COL9A2: variants seen among roughly 807,000 people sequenced by gnomAD.
The protein encoded by COL9A2 is collagen type IX alpha 2 chain, also known as collagen alpha-2(IX) chain.
COL9A2 carries 66 observed loss-of-function variants against 111.6 expected under a neutral mutation model. The ratio of observed to expected loss-of-function variants is 0.59; its 90% CI spans 0.48 to 0.73. The LOEUF is 0.73. Ranked by LOEUF, COL9A2 falls within the 30% of genes least tolerant of loss-of-function variation. The probability of loss-of-function intolerance (pLI) is 0.00; values close to 1 mark genes in which losing one functional copy is unlikely to be tolerated. For missense variants in COL9A2, 881 were observed against 954.1 expected, an observed-to-expected ratio of 0.92 and a Z score of 1.01; for synonymous variants, 353 against 364.1, an observed-to-expected ratio of 0.97 and a Z score of 0.35.
rs1429819835 is a variant in COL9A2 at position 40,314,170 on chromosome 1, C to T, written c.249+35G>A. 4 of 1,608,478 alleles carry T rather than the reference C, an allele frequency of 2.5e-6. No individual in the cohort carries two copies. The highest frequency in any genetic ancestry group is 4.5e-5 in the East Asian group (2 of 44,864). On this transcript the variant is annotated intron_variant, in intron 4 of 31. Transcript: ENST00000372748. The surrounding 1 kb of genome is among the most constrained non-coding windows in gnomAD (Gnocchi z 4.1). ...AGGCCCTGGAGGTCAATTGGCAGAG[C>T]CCTACCCTGCCCCACCCGACACTCA...
rs541937347 is a variant in COL9A2 at position 40,311,822 on chromosome 1, T to G, written c.418-107A>C. 5.9e-4 allele frequency: 735 copies of G among 1,240,468 alleles called. 9 individuals carry two copies. In the South Asian group the frequency reaches 8.4e-3, roughly 14 times the overall value. 76.8% of individuals were successfully genotyped at this position (1,240,468 alleles called of 1,614,324 possible). ...TGCCCTCTCCACCCTGTCTTCCCGG[T>G]CACTTTGTGAGATCCACCATCTTGG... is the stretch of plus-strand genomic sequence containing the variant. On this transcript the variant is annotated intron_variant, in intron 8 of 31. Coordinates refer to ENST00000372748, the MANE Select transcript of COL9A2 (RefSeq NM_001852.4). The surrounding 1 kb of genome is among the most constrained non-coding windows in gnomAD (Gnocchi z 5.1).
intron 25 of COL9A2, 40 bp from the exon 26 acceptor site, chr1:40,304,012 G>C (rs749271669): frequency 1.3e-6 from 2 of 1,570,756 alleles, no homozygotes; most frequent in African/African-American, 2.7e-5. Flanking sequence ...GGTGGCGGCG[G>C]GGACGCAGAG....
intron 16 of COL9A2, among the ~76,000 whole-genome samples, chr1:40,309,600 G>A (rs1391112619): frequency 6.6e-6 from 1 of 151,662 alleles, no homozygotes; most frequent in Non-Finnish European, 1.5e-5. Flanking sequence ...TGGCACAGAT[G>A]GTCCTCCCCA....
At chr1:40,309,021 G>T (rs1569735698) in intron 16 of COL9A2, among the ~76,000 whole-genome samples, 1 of 152,156 alleles carries the variant, frequency 6.6e-6, no homozygotes, top group Non-Finnish European at 1.5e-5. Context: ...CGAGGCAGGT[G>T]GATCACCTGA....
Position 40,301,256 on chromosome 1 carries a change from G to A in COL9A2, c.1996C>T (p.Pro666Ser). The A allele has an allele frequency of 6.2e-7, 1 of 1,614,170 alleles. No homozygotes were observed. The highest frequency in any genetic ancestry group is 8.5e-7 in the Non-Finnish European group (1 of 1,180,014). ...GCCGAAGCTCCAAGGCAGGCGGCAGGTTCACAGAAGCCCGGCAGCCCCACG... is the reference window on the plus strand; with the variant it reads ...GCCGAAGCTCCAAGGCAGGCGGCAGATTCACAGAAGCCCGGCAGCCCCACG... ...GPVGLPGFCE[P>S]AACLGASAYA... Residue 666 changes from proline (P) to serine (S), a missense_variant, in exon 32 of 32, where the codon CCT becomes TCT. Pro to Ser is a moderately conservative substitution (Grantham distance 74, BLOSUM62 -1). Coordinates refer to ENST00000372748, the MANE Select transcript of COL9A2 (RefSeq NM_001852.4).
At chr1:40,304,267 C>T (rs1643983632) in intron 24 of COL9A2, 53 bp downstream of exon 24, 1 of 1,545,444 alleles carries the variant, frequency 6.5e-7, no homozygotes, top group Non-Finnish European at 8.8e-7. Context: ...GCCGACCCCA[C>T]TCCCCCTGTT....
At chr1:40,305,874 A>C in intron 20 of COL9A2, 106 bp from the exon 21 acceptor site, 2 of 1,014,020 alleles carry the variant, frequency 2.0e-6, no homozygotes, top group Non-Finnish European at 3.1e-6. Flanking sequence ...ATGAGCTGGG[A>C]CGGGGGAGAG....
chr1:40,303,467 T>G lies in COL9A2; in HGVS notation c.1548+63A>C. 1.2e-6 allele frequency: 2 copies of G among 1,600,746 alleles called. No individual in the cohort carries two copies. The highest frequency in any genetic ancestry group is 1.7e-5 in the Admixed American group (1 of 59,150). On this transcript the variant is annotated intron_variant, in intron 28 of 31. Transcript: ENST00000372748. This position sits in a 1 kb window ranked among gnomAD's most constrained non-coding sequence, Gnocchi z 4.6. ...CTGGGAATCCCTAGCCTTTGGCGGGTAAGCCGCACCCCAGAACAGATCTAC... is the reference window on the plus strand; with the variant it reads ...CTGGGAATCCCTAGCCTTTGGCGGGGAAGCCGCACCCCAGAACAGATCTAC...
chr1:40,310,441 G>T lies in COL9A2; in HGVS notation c.685-124C>A. Reference sequence around the variant, plus strand: ...TAGGCAGCAGAGTCTCTGTCTCATGGATGGGACATGGAGGTTCAGAGATGA... The same window carrying T: ...TAGGCAGCAGAGTCTCTGTCTCATGTATGGGACATGGAGGTTCAGAGATGA... On this transcript the variant is annotated intron_variant, in intron 13 of 31. Coordinates refer to ENST00000372748, the MANE Select transcript of COL9A2 (RefSeq NM_001852.4). This position sits in a 1 kb window ranked among gnomAD's most constrained non-coding sequence, Gnocchi z 4.9. 1 of 1,005,834 alleles carries T rather than the reference G, an allele frequency of 9.9e-7. No individual in the cohort carries two copies. The highest frequency in any genetic ancestry group is 1.3e-5 in the South Asian group (1 of 74,898). 62.3% of individuals were successfully genotyped at this position (1,005,834 alleles called of 1,614,324 possible).
chr1:40,306,023 A>C, intron 20 of COL9A2, 120 bp downstream of exon 20: 1 of 1,173,520 alleles, frequency 8.5e-7, no homozygotes, highest in Non-Finnish European at 1.3e-6. Context: ...GGAGGTGGTT[A>C]GGCCCAAGGG....
In COL9A2 at chr1:40,311,362, C is replaced by G; in HGVS notation, c.520-76G>C. The G allele has an allele frequency of 1.9e-6, 3 of 1,581,740 alleles. No individual in the cohort carries two copies. The highest frequency in any genetic ancestry group is 2.6e-6 in the Non-Finnish European group (3 of 1,159,958). Reference sequence around the variant, plus strand: ...CCCATCTCTCCAAGCCCCGTGCTCTCCTCCGCCTCACCTGGTGGAACCCCT... The same window carrying G: ...CCCATCTCTCCAAGCCCCGTGCTCTGCTCCGCCTCACCTGGTGGAACCCCT... On this transcript the variant is annotated intron_variant, in intron 10 of 31. Transcript: ENST00000372748. This position sits in a 1 kb window ranked among gnomAD's most constrained non-coding sequence, Gnocchi z 5.1.
intron 21 of COL9A2, among the ~76,000 whole-genome samples, chr1:40,305,223 G>C (rs1057367671): frequency 5.9e-5 from 9 of 151,626 alleles, no homozygotes; most frequent in Admixed American, 2.6e-4. Context: ...GCCTGCCACC[G>C]CCCCAGGCTA....
intron 19 of COL9A2, among the ~76,000 whole-genome samples, chr1:40,306,844 A>AT (rs751057593): frequency 0.2 from 26,884 of 134,264 alleles, 2,872 homozygotes; most frequent in Non-Finnish European, 0.24. Flanking sequence ...CTCAATAACT[A>AT]TTTTTTTTTT....
In COL9A2 at chr1:40,310,716, G is replaced by C. The variant is rs370064150; in HGVS notation, c.682C>G (p.Pro228Ala). 2 of 1,566,996 alleles carry C rather than the reference G, an allele frequency of 1.3e-6. No individual in the cohort carries two copies. Among genetic ancestry groups the C allele is most frequent in the African/African-American group, 2.7e-5 (2 of 73,598 alleles). The change falls in exon 13 of 32, where the codon CCG (proline) becomes GCG (alanine). Residue 228 changes from proline (P) to alanine (A), a missense_variant and splice_region_variant. Physicochemically the swap from Pro to Ala is conservative, Grantham distance 27 (BLOSUM62 -1). Coordinates refer to ENST00000372748, the MANE Select transcript of COL9A2 (RefSeq NM_001852.4). This position sits in a 1 kb window ranked among gnomAD's most constrained non-coding sequence, Gnocchi z 4.9. ...ASGEQGIPGP[P>A]GPQGIRGYPG... Reference sequence around the variant, plus strand: ...CACTGAGGCAAGGTGTTCCTTACCGGTGGTCCAGGGATGCCTTGCTCTCCA... The same window carrying C: ...CACTGAGGCAAGGTGTTCCTTACCGCTGGTCCAGGGATGCCTTGCTCTCCA...
intron 24 of COL9A2, 72 bp downstream of exon 24, chr1:40,304,248 C>A (rs1569712879): frequency 1.3e-6 from 2 of 1,535,628 alleles, no homozygotes; most frequent in Non-Finnish European, 1.8e-6. Context: ...CCGGAAGGAT[C>A]TGAGTCCTGC....
chr1:40,311,138 C>T lies in COL9A2; in HGVS notation c.585G>A (p.Ala195=), dbSNP rs756707028. 39 of 1,614,086 alleles carry T rather than the reference C, an allele frequency of 2.4e-5. No homozygotes were observed. Among genetic ancestry groups the T allele is most frequent in the Non-Finnish European group, 2.9e-5 (34 of 1,180,044 alleles). ...GATCACCCAGAATCCCGCGTTTGCC[C>T]GCATGCCCCTGAAGGGAAGGAGAGA... ...PPGLQGVKGH[A]GKRGILGDPG... is the part of the protein sequence containing the mutation. Residue 195 remains alanine, a synonymous_variant, in exon 12 of 32, where the codon GCG becomes GCA. Coordinates refer to ENST00000372748, the MANE Select transcript of COL9A2 (RefSeq NM_001852.4). The surrounding 1 kb of genome is among the most constrained non-coding windows in gnomAD (Gnocchi z 5.1).
Position 40,302,984 on chromosome 1 carries a change from A to C in COL9A2, c.1603+147T>G. On this transcript the variant is annotated intron_variant, in intron 29 of 31. Coordinates refer to ENST00000372748, the MANE Select transcript of COL9A2 (RefSeq NM_001852.4). The surrounding 1 kb of genome is among the most constrained non-coding windows in gnomAD (Gnocchi z 4.5). The stretch of plus-strand genomic sequence containing the variant: ...TCAAAGGCCCAGAGTGACTTATTCA[A>C]GGTCCCAAAACCCTTCAGAGACTGG... 1 of 1,077,084 alleles carries C rather than the reference A, an allele frequency of 9.3e-7. No homozygotes were observed. Among genetic ancestry groups the C allele is most frequent in the South Asian group, 1.4e-5 (1 of 71,746 alleles). The allele number at this position is 1,077,084 out of a possible 1,614,324, so 66.7% of individuals were successfully genotyped here. A position where few individuals can be genotyped will look rare whatever the true frequency, so the allele number is the denominator to read the frequency against.
intron 2 of COL9A2, 160 bp downstream of exon 2, chr1:40,315,430 A>G: frequency 6.9e-7 from 1 of 1,440,106 alleles, no homozygotes; most frequent in Non-Finnish European, 9.1e-7. Flanking sequence ...GTTTTTGCAG[A>G]ACAAACGGCG....
rs778874959 is a variant in COL9A2, at chr1:40,301,898, A to T, written c.1793-9T>A. The T allele has an allele frequency of 1.9e-6, 3 of 1,612,170 alleles. No individual in the cohort carries two copies. Among genetic ancestry groups the T allele is most frequent in the Non-Finnish European group, 2.5e-6 (3 of 1,178,732 alleles). On this transcript the variant is annotated splice_polypyrimidine_tract_variant and intron_variant, in intron 30 of 31. Coordinates refer to ENST00000372748, the MANE Select transcript of COL9A2 (RefSeq NM_001852.4). ...CTTCTCTCCACGTTTTCCTGTAGAC[A>T]AAAAAGGAAATCTTCATTTTTCAGA...
Sources: gnomAD v4.1 joint callset for allele counts (sites outside exome capture counted in the v4.1 genomes callset) on GRCh38, gnomAD v4.1.1 for gene constraint, Gnocchi (gnomAD v3.1) non-coding constraint, MANE v1.5 for transcripts, NCBI Gene and HGNC (gene_info 2026-07-23, HGNC 2026-07-21) for gene names.